The following SORCS1 variants were observed in gnomAD, a reference collection of about 807,000 sequenced individuals.
The protein encoded by SORCS1 is VPS10 domain-containing receptor SorCS1.
In SORCS1, 60 loss-of-function variants were observed where a neutral mutation model predicts 146.1. That is an observed-to-expected ratio of 0.41 (90% CI 0.33 to 0.51). The LOEUF (loss-of-function observed/expected upper bound fraction) is 0.51. Ranked by LOEUF, SORCS1 falls within the 20% of genes least tolerant of loss-of-function variation. The pLI is 0.21. For missense variants in SORCS1, 1,352 were observed against 1,487.6 expected, an observed-to-expected ratio of 0.91 and a Z score of 1.50; for synonymous variants, 637 against 584.0, an observed-to-expected ratio of 1.09 and a Z score of -1.31.
chr10:107,072,222 A>T (rs1962489483), intron 1 of SORCS1, among the ~76,000 whole-genome samples: 1 of 152,158 alleles, frequency 6.6e-6, no homozygotes, highest in South Asian at 2.1e-4. Flanking sequence ...CTGCTTGCAG[A>T]GCTTAACAGG....
intron 5 of SORCS1, among the ~76,000 whole-genome samples, chr10:106,732,763 G>A (rs977800847): frequency 4.6e-5 from 7 of 152,090 alleles, no homozygotes; most frequent in African/African-American, 1.7e-4. Context: ...TAAAAATCTT[G>A]TATTATCTTT....
chr10:106,760,241 G>A lies in SORCS1; in HGVS notation c.959+1347C>T, dbSNP rs756167567. 3.9e-5 allele frequency among the ~76,000 whole-genome samples: 6 copies of A among 151,908 alleles called. No homozygotes were observed. The South Asian group carries it at 8.3e-4, about 21-fold the overall frequency. On this transcript the variant is annotated intron_variant, in intron 5 of 25. Transcript: ENST00000263054. ...GGGGGGATCTTGAGGTCATTAGATC[G>A]AGACCATCCTGGCTAACACGGTGAA...
chr10:106,695,925 C>A (rs558164156), intron 9 of SORCS1, among the ~76,000 whole-genome samples: 11 of 152,194 alleles, frequency 7.2e-5, no homozygotes, highest in Non-Finnish European at 1.0e-4. Context: ...GTAGAGAACA[C>A]AGAATCTGTA....
chr10:106,640,205 A>G (rs1848983758), intron 18 of SORCS1, among the ~76,000 whole-genome samples: 1 of 152,190 alleles, frequency 6.6e-6, no homozygotes, highest in South Asian at 2.1e-4. Context: ...CTACCATCTG[A>G]TGGCTGACAG....
chr10:107,065,260 G>C (rs531283631), intron 1 of SORCS1, among the ~76,000 whole-genome samples: 1 of 152,216 alleles, frequency 6.6e-6, no homozygotes, highest in South Asian at 2.1e-4. Flanking sequence ...ACACCACAGA[G>C]CCTAAGCGAG....
At chr10:106,918,011 A>G (rs1952526671) in intron 2 of SORCS1, among the ~76,000 whole-genome samples, 1 of 152,138 alleles carries the variant, frequency 6.6e-6, no homozygotes, top group Non-Finnish European at 1.5e-5. Context: ...TATCTTATTT[A>G]CTATTTCCTG....
At chr10:106,730,489 G>A (rs1269071824) in intron 5 of SORCS1, among the ~76,000 whole-genome samples, 1 of 152,158 alleles carries the variant, frequency 6.6e-6, no homozygotes, top group East Asian at 1.9e-4. Context: ...CTTGATCAGC[G>A]ATTCCCATAG....
chr10:107,079,172 G>A (rs1456636768), intron 1 of SORCS1, among the ~76,000 whole-genome samples: 1 of 151,562 alleles, frequency 6.6e-6, no homozygotes, highest in Non-Finnish European at 1.5e-5. Context: ...CTTGCAGTGA[G>A]CTGAGATTGC....
chr10:106,763,269 C>A (rs1220777792), intron 4 of SORCS1, among the ~76,000 whole-genome samples: 2 of 152,112 alleles, frequency 1.3e-5, no homozygotes, highest in Non-Finnish European at 2.9e-5. Context: ...GAATTCATCT[C>A]TGTGAGGAAT....
At chr10:106,870,631 C>A (rs984967803) in intron 2 of SORCS1, among the ~76,000 whole-genome samples, 1 of 152,138 alleles carries the variant, frequency 6.6e-6, no homozygotes, top group Admixed American at 6.5e-5. Flanking sequence ...AACTGGCTAA[C>A]CATATGCAGA....
In SORCS1 at chr10:106,620,431, C is replaced by T. The variant is rs773454923; in HGVS notation, c.2793G>A (p.Thr931=). ...CGCATGTGGAAGGTGAACCCACCTC[C>T]GTGTTGTTTCCGTACCACCACACGT... is the stretch of plus-strand genomic sequence containing the variant. The part of the protein sequence containing the change: ...LTYVWWYGNN[T]EPLITLEGSI... The change falls in exon 20 of 26, where the codon ACG becomes ACA. Residue 931 remains threonine (T), a synonymous_variant. Coordinates refer to ENST00000263054, the MANE Select transcript of SORCS1 (RefSeq NM_052918.5). 15 of 1,612,518 alleles carry T rather than the reference C, an allele frequency of 9.3e-6. No individual in the cohort carries two copies. Among genetic ancestry groups the T allele is most frequent in the African/African-American group, 1.3e-5 (1 of 75,010 alleles).
At chr10:106,924,927 T>C (rs1012237182) in intron 2 of SORCS1, among the ~76,000 whole-genome samples, 2 of 152,194 alleles carry the variant, frequency 1.3e-5, no homozygotes, top group Non-Finnish European at 2.9e-5. Flanking sequence ...GATGTTCTGA[T>C]CTATGCAAAC....
At chr10:106,835,869 G>A (rs564338581) in intron 2 of SORCS1, among the ~76,000 whole-genome samples, 3 of 152,228 alleles carry the variant, frequency 2.0e-5, no homozygotes, top group African/African-American at 4.8e-5. Context: ...GCCGGATGTG[G>A]TGGCTCATGC....
chr10:106,967,144 T>C (rs910805807), intron 1 of SORCS1, among the ~76,000 whole-genome samples: 5 of 149,870 alleles, frequency 3.3e-5, no homozygotes, highest in African/African-American at 1.2e-4. Flanking sequence ...CCCTCCAAAA[T>C]CTATTAATTT....
rs575359432 is a variant in SORCS1, at chr10:106,796,793, C to T, written c.727-20101G>A. Among the ~76,000 whole-genome samples the T allele has an allele frequency of 5.3e-5, 8 of 152,236 alleles. No homozygotes were observed. In the South Asian group the frequency reaches 1.7e-3, roughly 32 times the overall value. On this transcript the variant is annotated intron_variant, in intron 3 of 25. Coordinates refer to ENST00000263054, the MANE Select transcript of SORCS1 (RefSeq NM_052918.5). ...AGTTTAACTAGAGTTTCCACTCAAA[C>T]CAAAAGTAAATCTTACCTAGAAAAT...
At chr10:106,719,989 A>C (rs1235974709) in intron 6 of SORCS1, among the ~76,000 whole-genome samples, 1 of 152,196 alleles carries the variant, frequency 6.6e-6, no homozygotes, top group African/African-American at 2.4e-5. Flanking sequence ...AGTCTCTCCC[A>C]TATTTCCATA....
At chr10:107,118,337 A>G (rs994261246) in intron 1 of SORCS1, among the ~76,000 whole-genome samples, 12 of 152,290 alleles carry the variant, frequency 7.9e-5, no homozygotes, top group Admixed American at 4.6e-4. Context: ...TAAGCCACCC[A>G]GGTTATGTTA....
intron 23 of SORCS1, among the ~76,000 whole-genome samples, chr10:106,599,766 T>C (rs530107775): frequency 7.3e-4 from 111 of 151,664 alleles, no homozygotes; most frequent in African/African-American, 2.4e-3. Context: ...TCTTTCTTTC[T>C]TTCTTTTTTT....
chr10:107,005,135 G>C (rs1957384753), intron 1 of SORCS1, among the ~76,000 whole-genome samples: 1 of 152,086 alleles, frequency 6.6e-6, no homozygotes, highest in Non-Finnish European at 1.5e-5. Flanking sequence ...CCGCATAAGG[G>C]AATCCCATCA....
Sources: allele counts gnomAD v4.1 joint callset (sites outside exome capture counted in the v4.1 genomes callset), GRCh38; gene constraint gnomAD v4.1.1; transcripts MANE v1.5; gene names NCBI Gene and HGNC (gene_info 2026-07-23, HGNC 2026-07-21).